MBD5: variants seen among roughly 807,000 people sequenced by gnomAD.
MBD5 encodes the protein methyl-CpG binding domain protein 5.
Under a neutral mutation model 117.3 loss-of-function variants are expected in MBD5, and 13 were observed. The observed-to-expected ratio is 0.11, with a 90% CI of 0.07 to 0.18. The LOEUF (loss-of-function observed/expected upper bound fraction) is 0.18. Among genes scored for constraint, MBD5 ranks in the 10% least tolerant of loss-of-function variants. The probability of loss-of-function intolerance (pLI) is 1.00; values close to 1 mark genes in which losing one functional copy is unlikely to be tolerated. For synonymous variants in MBD5, 727 were observed against 766.4 expected (o/e 0.95, Z 0.85); for missense variants, 1,879 against 2,093.8 (o/e 0.90, Z 2.00).
At chr2:148,276,337 T>C (rs183634754) in intron 3 of MBD5, among the ~76,000 whole-genome samples, 1 of 152,174 alleles carries the variant, frequency 6.6e-6, no homozygotes, top group East Asian at 1.9e-4. Flanking sequence ...TAAATAAAAA[T>C]AGAACTTTAT....
chr2:148,226,690 C>T (rs78710403), intron 2 of MBD5, among the ~76,000 whole-genome samples: 143,995 of 152,138 alleles, frequency 0.95, 68,628 homozygotes, highest in East Asian at 1. Flanking sequence ...ATCGCCACAC[C>T]GACTTCCACA....
chr2:148,055,742 T>C (rs548053987), intron 1 of MBD5: 1 of 152,326 alleles, frequency 6.6e-6, no homozygotes, highest in South Asian at 2.1e-4. Flanking sequence ...GTTTATTGAA[T>C]AGGTTTTTCT....
At chr2:148,317,364 C>T (rs912979541) in intron 3 of MBD5, among the ~76,000 whole-genome samples, 5 of 150,960 alleles carry the variant, frequency 3.3e-5, no homozygotes, top group Admixed American at 6.6e-5. Context: ...AGCGAAACTC[C>T]GCCTCAAAAA....
chr2:148,112,449 A>T (rs1696523614), intron 1 of MBD5, among the ~76,000 whole-genome samples: 1 of 152,204 alleles, frequency 6.6e-6, no homozygotes, highest in Non-Finnish European at 1.5e-5. Context: ...AAATGGCCTA[A>T]CAAACCTTTG....
intron 1 of MBD5, among the ~76,000 whole-genome samples, chr2:148,052,360 G>A (rs1205176982): frequency 6.6e-6 from 1 of 151,796 alleles, no homozygotes; most frequent in Non-Finnish European, 1.5e-5. Context: ...ACAGGCATGT[G>A]ACACCACACC....
intron 1 of MBD5, among the ~76,000 whole-genome samples, chr2:148,154,597 A>G (rs79367584): frequency 1.3e-5 from 2 of 152,226 alleles, no homozygotes; most frequent in Non-Finnish European, 2.9e-5. Context: ...CCCTGGGCTT[A>G]GGACCCTCTG....
intron 1 of MBD5, among the ~76,000 whole-genome samples, chr2:148,046,617 T>A (rs1694541752): frequency 6.6e-6 from 1 of 152,158 alleles, no homozygotes; most frequent in Non-Finnish European, 1.5e-5. Context: ...CACCAAATCG[T>A]ATAGAATTGT....
chr2:148,374,109 T>C (rs1431953434), intron 4 of MBD5, among the ~76,000 whole-genome samples: 1 of 152,116 alleles, frequency 6.6e-6, no homozygotes, highest in Non-Finnish European at 1.5e-5. Flanking sequence ...GTACTCAACC[T>C]ATATACCAAA....
At chr2:148,072,600 C>T (rs184069583) in intron 1 of MBD5, among the ~76,000 whole-genome samples, 6 of 152,148 alleles carry the variant, frequency 3.9e-5, no homozygotes, top group East Asian at 1.9e-4. Flanking sequence ...AGATTTAATA[C>T]GACGTGCCTC....
At chr2:148,433,386 T>C (rs1412400451) in intron 4 of MBD5, among the ~76,000 whole-genome samples, 1 of 152,162 alleles carries the variant, frequency 6.6e-6, no homozygotes, top group Admixed American at 6.5e-5. Flanking sequence ...TCCAGTACTA[T>C]GTTGAATAGG....
chr2:148,367,672 T>C (rs1168320798), intron 4 of MBD5, among the ~76,000 whole-genome samples: 1 of 152,134 alleles, frequency 6.6e-6, no homozygotes, highest in Non-Finnish European at 1.5e-5. Flanking sequence ...GAGAAGTATA[T>C]GAACAGATAT....
At chr2:148,227,893 A>C (rs1419208058) in intron 2 of MBD5, among the ~76,000 whole-genome samples, 5 of 152,122 alleles carry the variant, frequency 3.3e-5, no homozygotes, top group South Asian at 2.1e-4. Context: ...ATGGGAGTTC[A>C]CTCATGATTT....
At chr2:148,463,432 G>GT (rs1296257259) in intron 6 of MBD5, among the ~76,000 whole-genome samples, 1 of 152,050 alleles carries the variant, frequency 6.6e-6, no homozygotes, top group African/African-American at 2.4e-5. Context: ...TACTTCATCT[G>GT]TTTTTACACT....
chr2:148,208,364 G>A (rs1428986985), intron 2 of MBD5, among the ~76,000 whole-genome samples: 2 of 152,004 alleles, frequency 1.3e-5, no homozygotes, highest in Non-Finnish European at 2.9e-5. Context: ...TGAGATTCTG[G>A]TGTCTCAGCC....
At position 148,469,086 on chromosome 2, in the gene MBD5, C is replaced by G. The variant is rs781251414; in HGVS notation, c.1143C>G (p.Phe381Leu). 6.2e-7 allele frequency: 1 copy of G among 1,614,070 alleles called. No individual in the cohort carries two copies. The highest frequency in any genetic ancestry group is 8.5e-7 in the Non-Finnish European group (1 of 1,179,986). The change falls in exon 8 of 14, where the codon TTC becomes TTG. Residue 381 changes from phenylalanine (F) to leucine (L), a missense_variant. Phe to Leu is a conservative substitution (Grantham distance 22, BLOSUM62 0). Around this residue, in one of 4 missense-constraint regions of MBD5, gnomAD observed 1,666 missense variants for 1,792.2 expected, o/e 0.93. Transcript: ENST00000642680. ...QNPVIINPTS[F>L]HSNVHSQVPM... The stretch of plus-strand genomic sequence containing the variant: ...CTGTTATCATTAATCCAACCAGTTT[C>G]CATTCAAATGTCCACTCTCAGGTAC...
intron 4 of MBD5, among the ~76,000 whole-genome samples, chr2:148,372,316 T>A (rs1050480386): frequency 6.6e-6 from 1 of 152,140 alleles, no homozygotes; most frequent in Non-Finnish European, 1.5e-5. Flanking sequence ...TCTAAAATAA[T>A]AATAATGAAG....
At chr2:148,357,551 A>G (rs1331413238) in intron 4 of MBD5, among the ~76,000 whole-genome samples, 4 of 150,282 alleles carry the variant, frequency 2.7e-5, no homozygotes, top group Non-Finnish European at 5.9e-5. Context: ...TTAAGTGGGT[A>G]CTCTCTTCTG....
chr2:148,361,569 C>T (rs1219647315), intron 4 of MBD5, among the ~76,000 whole-genome samples: 2 of 152,056 alleles, frequency 1.3e-5, no homozygotes, highest in Admixed American at 1.3e-4. Flanking sequence ...TGCAACATTG[C>T]CCAGGATCTA....
chr2:148,022,852 TA>T (rs1017671188), intron 1 of MBD5, among the ~76,000 whole-genome samples: 1 of 152,216 alleles, frequency 6.6e-6, no homozygotes, highest in Non-Finnish European at 1.5e-5. Flanking sequence ...ACAATATTGA[TA>T]AAAATCACTT....
Sources: gnomAD v4.1 joint callset for allele counts (sites outside exome capture counted in the v4.1 genomes callset) on GRCh38, gnomAD v4.1.1 for gene constraint, gnomAD v4.1.1 regional missense constraint, MANE v1.5 for transcripts, NCBI Gene and HGNC (gene_info 2026-07-23, HGNC 2026-07-21) for gene names.